Variants in AHI1 observed in about 807,000 individuals in gnomAD.
AHI1 encodes the protein jouberin.
In AHI1, 123 loss-of-function variants were observed where a neutral mutation model predicts 149.3. That is an observed-to-expected ratio of 0.82 (90% CI 0.71 to 0.96). The LOEUF (loss-of-function observed/expected upper bound fraction) is 0.96. Among genes scored for constraint, AHI1 ranks in the 40% least tolerant of loss-of-function variants. The pLI is 0.00. For missense variants in AHI1, 1,439 were observed against 1,422.7 expected, an observed-to-expected ratio of 1.01 and a Z score of -0.18; for synonymous variants, 475 against 459.8, an observed-to-expected ratio of 1.03 and a Z score of -0.42.
chr6:135,444,390 C>T (rs1390645099), intron 13 of AHI1, among the ~76,000 whole-genome samples: 2 of 152,234 alleles, frequency 1.3e-5, no homozygotes, highest in Non-Finnish European at 2.9e-5. Context: ...TCATCCAGTA[C>T]ACTACTTTAT....
chr6:135,302,892 A>G, intron 26 of AHI1: 2 of 1,038,604 alleles, frequency 1.9e-6, no homozygotes, highest in African/African-American at 1.7e-5. Flanking sequence ...AACGCCAAAG[A>G]ACATGACTGC....
At chr6:135,388,125 T>C in intron 23 of AHI1, 1 of 1,385,194 alleles carries the variant, frequency 7.2e-7, no homozygotes. Context: ...GGCATCTGCC[T>C]ATAGAAATCA....
At chr6:135,382,744 A>G (rs1157306031) in intron 23 of AHI1, among the ~76,000 whole-genome samples, 1 of 151,762 alleles carries the variant, frequency 6.6e-6, no homozygotes, top group Non-Finnish European at 1.5e-5. Flanking sequence ...AATTTTTTAA[A>G]AAGTTACTCT....
chr6:135,399,260 C>G (rs1779688431), intron 22 of AHI1, among the ~76,000 whole-genome samples: 1 of 152,254 alleles, frequency 6.6e-6, no homozygotes, highest in South Asian at 2.1e-4. Context: ...TATTTTAGTA[C>G]AAAAACAAAG....
intron 3 of AHI1, chr6:135,492,637 C>A (rs538969844): frequency 1.0e-6 from 1 of 985,376 alleles, no homozygotes; most frequent in East Asian, 1.1e-4. Context: ...TTTTAAGAAA[C>A]CAAACTCCAT....
In AHI1 at chr6:135,358,140, C is replaced by T. The variant is rs1261277645; in HGVS notation, c.3157G>A (p.Ala1053Thr). The T allele has an allele frequency of 8.1e-6, 13 of 1,612,444 alleles. No homozygotes were observed. The highest frequency in any genetic ancestry group is 1.1e-5 in the Non-Finnish European group (13 of 1,179,124). Residue 1053 changes from alanine (A) to threonine (T), a missense_variant, in exon 24 of 29, where the codon GCA (alanine) becomes ACA (threonine). Ala to Thr is a moderately conservative substitution (Grantham distance 58). Coordinates refer to ENST00000265602, the MANE Select transcript of AHI1 (RefSeq NM_001134831.2). The part of the protein sequence containing the change: ...RKPCNHQVDT[A>T]PTVVALYDYT... ...GCAACAGACTGTCTTACCGTTGGTG[C>T]TGTATCTACCTGATGGTTACAAGGC... is the stretch of plus-strand genomic sequence containing the variant.
At chr6:135,430,107 G>A (rs756989742) in intron 17 of AHI1, 107 bp from the exon 18 acceptor site, 22 of 602,052 alleles carry the variant, frequency 3.7e-5, no homozygotes, top group Admixed American at 9.8e-5. Flanking sequence ...CCACTGTATA[G>A]GATGCTTTAA....
intron 24 of AHI1, among the ~76,000 whole-genome samples, chr6:135,354,619 C>G (rs1260698415): frequency 1.3e-5 from 2 of 152,096 alleles, no homozygotes; most frequent in Non-Finnish European, 2.9e-5. Flanking sequence ...TTTACACCTG[C>G]CTTTTAGGGT....
chr6:135,481,855 C>T (rs1287948228), intron 5 of AHI1, among the ~76,000 whole-genome samples: 1 of 148,312 alleles, frequency 6.7e-6, no homozygotes, highest in African/African-American at 2.5e-5. Context: ...TTTTGAGGAC[C>T]GAGAATTTTA....
rs753932826 is a variant in AHI1, at chr6:135,290,470, G to A, written c.3541C>T (p.Arg1181Trp). ...CCTGCTTGCTTGTTCTTCCTCATCC[G>A]TGTATCCATTATGTGTCCTTGGTCC... ...HEDQGHIMDT[R>W]MRKNKQAGRK... Residue 1181 changes from arginine to tryptophan, a missense_variant, in exon 28 of 29, where the codon CGG (arginine) becomes TGG (tryptophan). Coordinates refer to ENST00000265602, the MANE Select transcript of AHI1 (RefSeq NM_001134831.2). The A allele has an allele frequency of 4.3e-6, 7 of 1,612,882 alleles. No individual in the cohort carries two copies. The highest frequency in any genetic ancestry group is 2.2e-5 in the South Asian group (2 of 91,044).
intron 23 of AHI1, among the ~76,000 whole-genome samples, chr6:135,373,315 T>C (rs1412902368): frequency 6.6e-6 from 1 of 152,218 alleles, no homozygotes; most frequent in African/African-American, 2.4e-5. Flanking sequence ...TCACATGCTG[T>C]ACAGGTTTGT....
chr6:135,307,893 G>A (rs570717047), intron 26 of AHI1, among the ~76,000 whole-genome samples: 165 of 152,270 alleles, frequency 1.1e-3, no homozygotes, highest in Non-Finnish European at 2.0e-3. Context: ...CTAGTGGACA[G>A]AGGCCAACAA....
At chr6:135,382,742 A>T (rs934135991) in intron 23 of AHI1, among the ~76,000 whole-genome samples, 2 of 151,768 alleles carry the variant, frequency 1.3e-5, no homozygotes, top group African/African-American at 4.8e-5. Flanking sequence ...TTAATTTTTT[A>T]AAAAGTTACT....
chr6:135,308,740 G>T (rs1325885076), intron 26 of AHI1, among the ~76,000 whole-genome samples: 1 of 152,192 alleles, frequency 6.6e-6, no homozygotes, highest in Non-Finnish European at 1.5e-5. Context: ...TCATCCCTAG[G>T]TTATTCTGTG....
chr6:135,338,040 G>C (rs1366302034), intron 24 of AHI1, among the ~76,000 whole-genome samples: 1 of 152,124 alleles, frequency 6.6e-6, no homozygotes, highest in African/African-American at 2.4e-5. Context: ...GCTCACGCCT[G>C]TAATCCCAGC....
rs377247908 is a variant in AHI1, at chr6:135,357,848, C to T, written c.3165+284G>A. Among the ~76,000 whole-genome samples, 253 of 152,192 alleles carry T rather than the reference C, an allele frequency of 1.7e-3. 1 individual carries two copies. Among genetic ancestry groups the T allele is most frequent in the African/African-American group, 5.9e-3 (243 of 41,538 alleles). ...CTATAAGAGAAATGAAGCATAATGG[C>T]CTTTTTTCACTATTATAAAACATTC... On this transcript the variant is annotated intron_variant, in intron 24 of 28. Coordinates refer to ENST00000265602, the MANE Select transcript of AHI1 (RefSeq NM_001134831.2).
chr6:135,285,732 C>T (rs1781600475), intron 28 of AHI1, 85 bp from the exon 29 acceptor site: 4 of 1,120,676 alleles, frequency 3.6e-6, no homozygotes, highest in Admixed American at 3.9e-5. Flanking sequence ...GCTCAGGCAA[C>T]AGCACAGGTA....
At chr6:135,432,810 C>A (rs1336141774) in intron 16 of AHI1, among the ~76,000 whole-genome samples, 1 of 151,988 alleles carries the variant, frequency 6.6e-6, no homozygotes, top group East Asian at 1.9e-4. Context: ...GTTGTTATAG[C>A]AAAGATTAAT....
At chr6:135,402,322 T>C (rs1780129761) in intron 22 of AHI1, among the ~76,000 whole-genome samples, 1 of 152,192 alleles carries the variant, frequency 6.6e-6, no homozygotes. Flanking sequence ...CCTAGATACA[T>C]ATCCCATAGA....
Sources: allele counts gnomAD v4.1 joint callset (sites outside exome capture counted in the v4.1 genomes callset), GRCh38; gene constraint gnomAD v4.1.1; transcripts MANE v1.5; gene names NCBI Gene and HGNC (gene_info 2026-07-23, HGNC 2026-07-21).